STXBP4: variants seen among roughly 807,000 people sequenced by gnomAD.
STXBP4 encodes the protein syntaxin binding protein 4, also known as syntaxin-binding protein 4.
In STXBP4, 55 loss-of-function variants were observed where a neutral mutation model predicts 76.1. That is an observed-to-expected ratio of 0.72 (90% CI 0.58 to 0.91). STXBP4 has a LOEUF of 0.91. Among genes scored for constraint, STXBP4 ranks in the 40% least tolerant of loss-of-function variants. STXBP4 has a pLI of 0.00. For synonymous variants in STXBP4, 201 were observed against 220.2 expected (o/e 0.91, Z 0.77); for missense variants, 618 against 636.9 (o/e 0.97, Z 0.32).
At chr17:55,179,763 T>C in the STXBP4 span, among the ~76,000 whole-genome samples, 1 of 152,220 alleles carries the variant, frequency 6.6e-6, no homozygotes, top group Non-Finnish European at 1.5e-5. Context: ...CTCTAGCTTA[T>C]TTTGTTGTAA....
In STXBP4 at chr17:54,977,370, A is replaced by G. The variant is rs1035450883; in HGVS notation, c.-156-8244A>G. On this transcript the variant is annotated intron_variant, in intron 1 of 17. Coordinates refer to ENST00000376352, the MANE Select transcript of STXBP4 (RefSeq NM_178509.6). Reference sequence around the variant, plus strand: ...GGCTGTGTCTTTACTGAACATGTACACACTTTTTCTTGTCATCATGCCCTA... The same window carrying G: ...GGCTGTGTCTTTACTGAACATGTACGCACTTTTTCTTGTCATCATGCCCTA... Among the ~76,000 whole-genome samples, 4 of 152,326 alleles carry G rather than the reference A, an allele frequency of 2.6e-5. No individual in the cohort carries two copies. In the South Asian group the frequency reaches 8.3e-4, roughly 32 times the overall value.
intron 16 of STXBP4, among the ~76,000 whole-genome samples, chr17:55,124,808 G>A (rs188913857): frequency 1.2e-3 from 184 of 152,294 alleles, no homozygotes; most frequent in African/African-American, 3.8e-3. Context: ...AAAAGTAAGC[G>A]TAAGCTTCAT....
rs2079221088 is a variant in STXBP4, at chr17:55,078,827, TA to T, written c.1355+93del. The T allele has an allele frequency of 3.9e-5, 30 of 768,834 alleles. No individual in the cohort carries two copies. The South Asian group carries it at 4.7e-4, about 12-fold the overall frequency. 47.6% of individuals were successfully genotyped at this position (768,834 alleles called of 1,614,324 possible). A position where few individuals can be genotyped will look rare whatever the true frequency, so the allele number is the denominator to read the frequency against. Reference sequence around the variant, plus strand: ...ACTCAAATACTAAAAATCTCTTAAATAGTCCTAAGGTGCTACATAACTCCCA... The same window carrying T: ...ACTCAAATACTAAAAATCTCTTAAATGTCCTAAGGTGCTACATAACTCCCA... On this transcript the variant is annotated intron_variant, in intron 15 of 17. Coordinates refer to ENST00000376352, the MANE Select transcript of STXBP4 (RefSeq NM_178509.6).
At chr17:55,049,305 C>G (rs1258376517) in intron 12 of STXBP4, among the ~76,000 whole-genome samples, 3 of 151,548 alleles carry the variant, frequency 2.0e-5, no homozygotes, top group Non-Finnish European at 4.4e-5. Flanking sequence ...AAAATGTTCC[C>G]AAATGGTGAG....
rs573003052 is a variant in STXBP4 at position 55,119,528 on chromosome 17, T to A, written c.1490-21782T>A. ...AGAGCTGATATATTTTTAGTATGAT[T>A]TCTGAACAATACAAGAACCCTAGAA... On this transcript the variant is annotated intron_variant, in intron 16 of 17. Coordinates refer to ENST00000376352, the MANE Select transcript of STXBP4 (RefSeq NM_178509.6). 3.3e-5 allele frequency among the ~76,000 whole-genome samples: 5 copies of A among 152,208 alleles called. No individual in the cohort carries two copies. The East Asian group carries it at 9.6e-4, about 29-fold the overall frequency.
the STXBP4 span, among the ~76,000 whole-genome samples, chr17:55,185,245 T>TCTCCTTCTCCTTCTCCTTCTCCTTCTC: frequency 1.7e-5 from 1 of 57,916 alleles, no homozygotes; most frequent in African/African-American, 8.2e-5. Flanking sequence ...TTCTTCTTCT[T>TCTCCTTCTCCTTCTCCTTCTCCTTCTC]CTTCTCCTTC....
At chr17:54,971,793 T>C (rs1598135273) in intron 1 of STXBP4, among the ~76,000 whole-genome samples, 1 of 152,048 alleles carries the variant, frequency 6.6e-6, no homozygotes, top group South Asian at 2.1e-4. Context: ...TTTTTTATTT[T>C]TATTTTTATT....
chr17:55,128,375 G>A (rs1438410598), intron 16 of STXBP4, among the ~76,000 whole-genome samples: 1 of 149,616 alleles, frequency 6.7e-6, no homozygotes, highest in Non-Finnish European at 1.5e-5. Context: ...GAATGTGAGG[G>A]AGATTTTAAC....
At chr17:54,987,329 C>CAT (rs956639807) in intron 3 of STXBP4, among the ~76,000 whole-genome samples, 2 of 152,038 alleles carry the variant, frequency 1.3e-5, no homozygotes, top group African/African-American at 4.8e-5. Context: ...TAAGCCAATG[C>CAT]ATATATATAA....
At chr17:55,146,637 T>A (rs244321) in intron 17 of STXBP4, among the ~76,000 whole-genome samples, 51,712 of 151,706 alleles carry the variant, frequency 0.34, 9,221 homozygotes, top group African/African-American at 0.46. Context: ...GAATGTTGTG[T>A]ACCCGGGAGG....
At chr17:55,199,870 AC>A in the STXBP4 span, among the ~76,000 whole-genome samples, 2 of 152,130 alleles carry the variant, frequency 1.3e-5, no homozygotes, top group Non-Finnish European at 2.9e-5. Context: ...TTTAGCTCAT[AC>A]AGACTGGCCC....
chr17:55,209,220 G>A, the STXBP4 span, among the ~76,000 whole-genome samples: 1 of 152,308 alleles, frequency 6.6e-6, no homozygotes, highest in Non-Finnish European at 1.5e-5. Flanking sequence ...CGGACAGATA[G>A]TGACTGTGTT....
chr17:55,144,947 G>T (rs1395028370), intron 17 of STXBP4, among the ~76,000 whole-genome samples: 2 of 152,204 alleles, frequency 1.3e-5, no homozygotes, highest in Non-Finnish European at 2.9e-5. Context: ...TTCCTGTCCA[G>T]AATGAATGAG....
In STXBP4 at chr17:54,988,768, C is replaced by T. The variant is rs377009092; in HGVS notation, c.48-2057C>T. Among the ~76,000 whole-genome samples the T allele has an allele frequency of 1.5e-3, 223 of 152,008 alleles. 7 individuals carry two copies. The South Asian group carries it at 0.045, about 31-fold the overall frequency. On this transcript the variant is annotated intron_variant, in intron 3 of 17. Transcript: ENST00000376352. ...CAGCCAGGACAGAGCAAGACCCCGT[C>T]TCAAAAAAAGAAAAAAAAGAATGAA...
intron 4 of STXBP4, among the ~76,000 whole-genome samples, chr17:54,997,515 T>G (rs1049317295): frequency 3.1e-4 from 42 of 135,752 alleles, no homozygotes; most frequent in Middle Eastern, 7.4e-3. Context: ...ATCAAAAATT[T>G]TTTTTAAATT....
intron 16 of STXBP4, among the ~76,000 whole-genome samples, chr17:55,094,198 T>C (rs893055278): frequency 1.4e-5 from 2 of 140,536 alleles, no homozygotes; most frequent in Non-Finnish European, 3.0e-5. Flanking sequence ...GTGTATCTAA[T>C]ACGTATGAGC....
At chr17:55,079,264 A>T (rs1445716799) in intron 15 of STXBP4, among the ~76,000 whole-genome samples, 1 of 152,220 alleles carries the variant, frequency 6.6e-6, no homozygotes, top group Non-Finnish European at 1.5e-5. Context: ...GTTTCTTACT[A>T]GAAGCTGGAA....
chr17:55,011,508 C>CT lies in STXBP4; in HGVS notation c.666+3928dup, dbSNP rs3080154. Among the ~76,000 whole-genome samples, 340 of 85,914 alleles carry CT rather than the reference C, an allele frequency of 4.0e-3. 15 individuals are homozygous for CT. The highest frequency in any genetic ancestry group is 0.021 in the Middle Eastern group (2 of 96). The allele number at this position is 85,914 out of a possible 152,430, so 56.4% of individuals were successfully genotyped here. On this transcript the variant is annotated intron_variant, in intron 8 of 17. Transcript: ENST00000376352. ...GGATCAAAGAGTTTATTTTCTTTTT[C>CT]TTTTTTTTTTTTTTTTTGCAGTTGC...
At position 55,165,121 on chromosome 17, in the gene STXBP4, G is replaced by GA. The variant is rs985365805; in HGVS notation, c.*5216dup. 4 of 152,150 alleles carry GA rather than the reference G, an allele frequency of 2.6e-5. No individual in the cohort carries two copies. The highest frequency in any genetic ancestry group is 7.2e-5 in the African/African-American group (3 of 41,438). 9.4% of individuals were successfully genotyped at this position (152,150 alleles called of 1,614,324 possible). A position where few individuals can be genotyped will look rare whatever the true frequency, so the allele number is the denominator to read the frequency against. On this transcript the variant is annotated 3_prime_UTR_variant, in exon 18 of 18. Transcript: ENST00000376352. ...ACAAAGAGTGTGATATCAGAAAGCA[G>GA]AAAAAAGCATGTTCTTTTGCATTTC...
Sources: gnomAD v4.1 joint callset for allele counts (sites outside exome capture counted in the v4.1 genomes callset) on GRCh38, gnomAD v4.1.1 for gene constraint, MANE v1.5 for transcripts, NCBI Gene and HGNC (gene_info 2026-07-23, HGNC 2026-07-21) for gene names.